KMT2B: variants seen among roughly 807,000 people sequenced by gnomAD.
The protein encoded by KMT2B is histone-lysine N-methyltransferase 2B.
KMT2B carries 22 observed loss-of-function variants against 255.3 expected under a neutral mutation model. That is an observed-to-expected ratio of 0.09 (90% CI 0.06 to 0.12). KMT2B has a LOEUF of 0.12. Ranked by LOEUF, KMT2B falls within the 10% of genes least tolerant of loss-of-function variation. The probability of loss-of-function intolerance (pLI) is 1.00; values close to 1 mark genes in which losing one functional copy is unlikely to be tolerated. For synonymous variants in KMT2B, 1,730 were observed against 1,498.1 expected (o/e 1.15, Z -3.57); for missense variants, 3,149 against 3,737.0 (o/e 0.84, Z 4.10).
Position 35,723,963 on chromosome 19 carries a change from C to T in KMT2B, c.3290C>T (p.Pro1097Leu), listed in dbSNP as rs1969321809. Residue 1097 changes from proline (P) to leucine (L), a missense_variant, in exon 8 of 37, where the codon CCC becomes CTC. Pro to Leu is a moderately conservative substitution (Grantham distance 98). Transcript: ENST00000420124. The surrounding 1 kb of genome is among the most constrained non-coding windows in gnomAD (Gnocchi z 7.5). ...DIFEDSDDSE[P>L]GGPPAPRRRT... ...TTCGAGGATTCGGATGACTCGGAGC[C>T]CGGGGGCCCCCCTGCTCCTCGGCGT... The T allele has an allele frequency of 1.9e-6, 3 of 1,609,864 alleles. No individual in the cohort carries two copies. Among genetic ancestry groups the T allele is most frequent in the East Asian group, 2.2e-5 (1 of 44,790 alleles).
rs757405245 is a variant in KMT2B at position 35,721,211 on chromosome 19, C to T, written c.1864C>T (p.Pro622Ser). ...TSLTRELPPP[P>S]PAPPPPPAPS... ...ACTGACCCGGGAGCTGCCCCCTCCT[C>T]CCCCAGCCCCTCCACCTCCCCCGGC... Residue 622 changes from proline (P) to serine (S), a missense_variant, in exon 3 of 37, where the codon CCC becomes TCC. By Grantham distance (74) the Pro-to-Ser change is moderately conservative. This residue lies in a region of KMT2B where 1,188 missense variants were observed against 1,106.4 expected (regional missense o/e 1.07). Transcript: ENST00000420124. The T allele has an allele frequency of 6.9e-5, 60 of 874,316 alleles. No homozygotes were observed. In the South Asian group the frequency reaches 7.7e-4, roughly 11 times the overall value. The allele number at this position is 874,316 out of a possible 1,614,324, so 54.2% of individuals were successfully genotyped here.
At chr19:35,729,821 C>T (rs1969620146) in intron 22 of KMT2B, 146 bp from the exon 23 acceptor site, 1 of 712,306 alleles carries the variant, frequency 1.4e-6, no homozygotes, top group East Asian at 2.7e-5. Flanking sequence ...TGCACCTGGG[C>T]CTGGATGCGG....
Position 35,723,249 on chromosome 19 carries a change from C to T in KMT2B, c.2977C>T (p.Pro993Ser). The change falls in exon 6 of 37, where the codon CCT becomes TCT. Residue 993 changes from proline (P) to serine (S), a missense_variant. Pro to Ser is a moderately conservative substitution (Grantham distance 74, BLOSUM62 -1). Transcript: ENST00000420124. This position sits in a 1 kb window ranked among gnomAD's most constrained non-coding sequence, Gnocchi z 7.5. Reference protein sequence around the residue: ...NCLDKPKFGGPNTKKQCCVYR... With the variant: ...NCLDKPKFGGSNTKKQCCVYR... The stretch of plus-strand genomic sequence containing the variant: ...CCTAGACAAGCCCAAGTTTGGGGGC[C>T]CTAACACCAAGAAGCAGTGCTGTGT... 1 of 1,613,048 alleles carries T rather than the reference C, an allele frequency of 6.2e-7. No homozygotes were observed. The highest frequency in any genetic ancestry group is 8.5e-7 in the Non-Finnish European group (1 of 1,179,784).
chr19:35,732,009 C>T lies in KMT2B; in HGVS notation c.5539C>T (p.Pro1847Ser), dbSNP rs1262995556. ...PIQNLDPPLR[P>S]DSGSAPPPAP... ...TCAGAACCTGGACCCTCCACTGCGG[C>T]CAGATTCAGGCAGCGCCCCTCCTCC... is the stretch of plus-strand genomic sequence containing the variant. Residue 1847 changes from proline to serine, a missense_variant, in exon 27 of 37, where the codon CCA (proline) becomes TCA (serine). Coordinates refer to ENST00000420124, the MANE Select transcript of KMT2B (RefSeq NM_014727.3). The T allele has an allele frequency of 1.2e-6, 2 of 1,613,788 alleles. No individual in the cohort carries two copies. The highest frequency in any genetic ancestry group is 8.5e-7 in the Non-Finnish European group (1 of 1,179,802).
rs757982914 is a variant in KMT2B at position 35,722,709 on chromosome 19, G to A, written c.2713G>A (p.Ala905Thr). 17 of 1,598,226 alleles carry A rather than the reference G, an allele frequency of 1.1e-5. No individual in the cohort carries two copies. Among genetic ancestry groups the A allele is most frequent in the South Asian group, 2.3e-5 (2 of 88,640 alleles). Reference protein sequence around the residue: ...ALPLRDRQDLATEDTSSASET... With the variant: ...ALPLRDRQDLTTEDTSSASET... ...CCCTCTCCGGGATCGGCAGGACCTCGCCACAGAGGGTAGGTGGGGAGACTG... is the reference window on the plus strand; with the variant it reads ...CCCTCTCCGGGATCGGCAGGACCTCACCACAGAGGGTAGGTGGGGAGACTG... Residue 905 changes from alanine to threonine, a missense_variant, in exon 5 of 37, where the codon GCC (alanine) becomes ACC (threonine). This residue lies in a region of KMT2B where 132 missense variants were observed against 174.7 expected (regional missense o/e 0.76). Coordinates refer to ENST00000420124, the MANE Select transcript of KMT2B (RefSeq NM_014727.3).
In KMT2B at chr19:35,728,785, C is replaced by T; in HGVS notation, c.4583C>T (p.Pro1528Leu). 6.2e-7 allele frequency: 1 copy of T among 1,613,842 alleles called. No homozygotes were observed. Among genetic ancestry groups the T allele is most frequent in the Non-Finnish European group, 8.5e-7 (1 of 1,179,794 alleles). ...CTGCCTGTCCACAGCGGAGTCCTTC[C>T]CAATGCGGTGTTGCCCCCATCCCTG... ...RSTRLPNGVL[P>L]NAVLPPSLDH... Residue 1528 changes from proline (P) to leucine (L), a missense_variant, in exon 20 of 37, where the codon CCC becomes CTC. Physicochemically the swap from Pro to Leu is moderately conservative, Grantham distance 98 (BLOSUM62 -3). Around this residue, in one of 18 missense-constraint regions of KMT2B, gnomAD observed 377 missense variants for 471.0 expected, o/e 0.80. Coordinates refer to ENST00000420124, the MANE Select transcript of KMT2B (RefSeq NM_014727.3).
rs761489884 is a variant in KMT2B at position 35,730,089 on chromosome 19, C to G, written c.5040C>G (p.Val1680=). 1 of 1,613,642 alleles carries G rather than the reference C, an allele frequency of 6.2e-7. No individual in the cohort carries two copies. The highest frequency in any genetic ancestry group is 1.7e-5 in the Admixed American group (1 of 59,946). The change falls in exon 23 of 37, where the codon GTC becomes GTG. Residue 1680 remains valine, a synonymous_variant. Coordinates refer to ENST00000420124, the MANE Select transcript of KMT2B (RefSeq NM_014727.3). ...GCATCTTCCAGGATGACAAGAAAGT[C>G]TTCTGCCAGAAACACACTGATCTCC... The part of the protein sequence containing the change: ...SYCIFQDDKK[V]FCQKHTDLLD...
Position 35,732,627 on chromosome 19 carries a change from G to C in KMT2B, c.6078G>C (p.Glu2026Asp). 6.2e-7 allele frequency: 1 copy of C among 1,611,784 alleles called. No homozygotes were observed. Among genetic ancestry groups the C allele is most frequent in the Non-Finnish European group, 8.5e-7 (1 of 1,179,124 alleles). Residue 2026 changes from glutamate to aspartate, a missense_variant, in exon 28 of 37, where the codon GAG becomes GAC. Physicochemically the swap from Glu to Asp is conservative, Grantham distance 45. Transcript: ENST00000420124. ...GGGGCCCGGGGGACAGCTCCGAGGA[G>C]GAGTCCAGCCCCACCTCCCGCTACA... is the stretch of plus-strand genomic sequence containing the variant. ...SHGGPGDSSE[E>D]ESSPTSRYIH...
At position 35,738,024 on chromosome 19, in the gene KMT2B, C is replaced by G. The variant is rs1359241525; in HGVS notation, c.7743-38C>G. ...AGGGGGTACTGTCTGGTTTCTGTCC[C>G]CCTCCCCCCTGAGTTCCCTGTTCAT... On this transcript the variant is annotated intron_variant, in intron 35 of 36. Transcript: ENST00000420124. The surrounding 1 kb of genome is among the most constrained non-coding windows in gnomAD (Gnocchi z 8.7). The G allele has an allele frequency of 5.0e-6, 8 of 1,613,514 alleles. No homozygotes were observed. Among genetic ancestry groups the G allele is most frequent in the Non-Finnish European group, 4.2e-6 (5 of 1,179,678 alleles).
Position 35,737,449 on chromosome 19 carries a change from A to T in KMT2B, c.7550+186A>T. The stretch of plus-strand genomic sequence containing the variant: ...GTAATCCCGCCACTTTGGGAGGCCG[A>T]GGCAGGAGGATCGCATGAGCCCAGG... On this transcript the variant is annotated intron_variant, in intron 33 of 36. Coordinates refer to ENST00000420124, the MANE Select transcript of KMT2B (RefSeq NM_014727.3). This position sits in a 1 kb window ranked among gnomAD's most constrained non-coding sequence, Gnocchi z 5.3. The T allele has an allele frequency of 2.5e-6, 2 of 789,908 alleles. No homozygotes were observed. The highest frequency in any genetic ancestry group is 3.9e-6 in the Non-Finnish European group (2 of 513,244). The allele number at this position is 789,908 out of a possible 1,614,324, so 48.9% of individuals were successfully genotyped here.
rs781759373 is a variant in KMT2B, at chr19:35,722,481, C to T, written c.2571+9C>T. On this transcript the variant is annotated intron_variant, in intron 4 of 36. Coordinates refer to ENST00000420124, the MANE Select transcript of KMT2B (RefSeq NM_014727.3). Reference sequence around the variant, plus strand: ...AGAGAGAGCGGCCCTCAGTATGCATCGGGAGGAGGGCCCTGAAGAAGACTG... The same window carrying T: ...AGAGAGAGCGGCCCTCAGTATGCATTGGGAGGAGGGCCCTGAAGAAGACTG... 21 of 1,605,674 alleles carry T rather than the reference C, an allele frequency of 1.3e-5. No individual in the cohort carries two copies. The highest frequency in any genetic ancestry group is 7.7e-5 in the South Asian group (7 of 90,844).
At position 35,737,141 on chromosome 19, in the gene KMT2B, C is replaced by A. The variant is rs368560676; in HGVS notation, c.7428C>A (p.Ala2476=). Reference sequence around the variant, plus strand: ...ACCATGATGCTGTCATCTTCCTGGCCGAGCAGCTCCCCGGAGCCCAGCGTT... The same window carrying A: ...ACCATGATGCTGTCATCTTCCTGGCAGAGCAGCTCCCCGGAGCCCAGCGTT... ...GIHHDAVIFL[A]EQLPGAQRCQ... The change falls in exon 33 of 37, where the codon GCC becomes GCA. Residue 2476 remains alanine (A), a synonymous_variant. Transcript: ENST00000420124. The surrounding 1 kb of genome is among the most constrained non-coding windows in gnomAD (Gnocchi z 5.3). The A allele has an allele frequency of 5.7e-5, 92 of 1,610,866 alleles. No homozygotes were observed. In the African/African-American group the frequency reaches 1.1e-3, roughly 19 times the overall value.
rs769731128 is a variant in KMT2B at position 35,721,432 on chromosome 19, A to G, written c.2085A>G (p.Ala695=). Residue 695 remains alanine, a synonymous_variant, in exon 3 of 37, where the codon GCA becomes GCG. Transcript: ENST00000420124. The part of the protein sequence containing the change: ...DDSPAEPEPR[A]VGRTNHLSLP... ...CTCCAGCTGAGCCTGAGCCTCGGGC[A>G]GTGGGCCGCACCAACCACCTCAGCC... is the stretch of plus-strand genomic sequence containing the variant. The G allele has an allele frequency of 6.2e-7, 1 of 1,612,190 alleles. No homozygotes were observed. The highest frequency in any genetic ancestry group is 1.7e-5 in the Admixed American group (1 of 59,948).
Position 35,718,247 on chromosome 19 carries a change from C to T in KMT2B, c.229C>T (p.Leu77=). ...CCGTTTGCTGGGGCTCCGCCGGGGC[C>T]TGCGCCGGCTCCGCCGCCTGTGGGC... The part of the protein sequence containing the change: ...LLRLLGLRRG[L]RRLRRLWAGP... The change falls in exon 1 of 37, where the codon CTG becomes TTG. Residue 77 remains leucine (L), a synonymous_variant. Transcript: ENST00000420124. This position sits in a 1 kb window ranked among gnomAD's most constrained non-coding sequence, Gnocchi z 5.0. 8.4e-7 allele frequency: 1 copy of T among 1,197,472 alleles called. No individual in the cohort carries two copies. Among genetic ancestry groups the T allele is most frequent in the Middle Eastern group, 3.4e-4 (1 of 2,956 alleles). The allele number at this position is 1,197,472 out of a possible 1,614,324, so 74.2% of individuals were successfully genotyped here.
rs1283168024 is a variant in KMT2B, at chr19:35,727,557, C to T, written c.4237C>T (p.Leu1413=). 6.2e-7 allele frequency: 1 copy of T among 1,606,600 alleles called. No homozygotes were observed. ...CCTGAGCGGGGCCCTCCAGGGGGGCCTGCGCCAGGTGCTCCAGGGCCTGCT... is the reference window on the plus strand; with the variant it reads ...CCTGAGCGGGGCCCTCCAGGGGGGCTTGCGCCAGGTGCTCCAGGGCCTGCT... ...EALSGALQGG[L]RQVLQGLLSS... Residue 1413 remains leucine, a synonymous_variant, in exon 16 of 37, where the codon CTG becomes TTG. Coordinates refer to ENST00000420124, the MANE Select transcript of KMT2B (RefSeq NM_014727.3). This position sits in a 1 kb window ranked among gnomAD's most constrained non-coding sequence, Gnocchi z 4.2.
Position 35,722,918 on chromosome 19 carries a change from T to A in KMT2B, c.2723-77T>A, listed in dbSNP as rs1269434898. The A allele has an allele frequency of 3.4e-6, 5 of 1,457,186 alleles. No individual in the cohort carries two copies. In the East Asian group the frequency reaches 1.2e-4, roughly 36 times the overall value. The allele number at this position is 1,457,186 out of a possible 1,614,324, so 90.3% of individuals were successfully genotyped here. A position where few individuals can be genotyped will look rare whatever the true frequency, so the allele number is the denominator to read the frequency against. On this transcript the variant is annotated intron_variant, in intron 5 of 36. Coordinates refer to ENST00000420124, the MANE Select transcript of KMT2B (RefSeq NM_014727.3). ...CGCTGTGAGAAAGCGAGAGCCAGGT[T>A]GTGGGAAAGCAGGGAAGTGAGGTAG...
intron 30 of KMT2B, among the ~76,000 whole-genome samples, chr19:35,735,007 A>G (rs1969863357): frequency 6.6e-6 from 1 of 152,166 alleles, no homozygotes; most frequent in Non-Finnish European, 1.5e-5. Flanking sequence ...TGCGGGACAC[A>G]GACATGTTAG....
Position 35,733,149 on chromosome 19 carries a change from A to G in KMT2B, c.6600A>G (p.Val2200=). 6.3e-7 allele frequency: 1 copy of G among 1,582,114 alleles called. No homozygotes were observed. Among genetic ancestry groups the G allele is most frequent in the Non-Finnish European group, 8.6e-7 (1 of 1,163,706 alleles). ...TACTTGTCAACAAGCTGGGGCAAGTATTTGTGAAGATGGCTGGGGAGGGTG... is the reference window on the plus strand; with the variant it reads ...TACTTGTCAACAAGCTGGGGCAAGTGTTTGTGAAGATGGCTGGGGAGGGTG... ...KIILVNKLGQ[V]FVKMAGEGEP... Residue 2200 remains valine (V), a synonymous_variant, in exon 28 of 37, where the codon GTA becomes GTG. Coordinates refer to ENST00000420124, the MANE Select transcript of KMT2B (RefSeq NM_014727.3). This position sits in a 1 kb window ranked among gnomAD's most constrained non-coding sequence, Gnocchi z 4.3.
chr19:35,725,862 T>TCAC lies in KMT2B; in HGVS notation c.3885+52_3885+54dup. ...CCACTTGCTTTGTCTCTAATGAATA[T>TCAC]CACCACCACCCCCAAACTTGCTCTA... On this transcript the variant is annotated intron_variant, in intron 13 of 36. Transcript: ENST00000420124. This position sits in a 1 kb window ranked among gnomAD's most constrained non-coding sequence, Gnocchi z 4.1. The TCAC allele has an allele frequency of 1.4e-6, 2 of 1,480,728 alleles. No homozygotes were observed. Among genetic ancestry groups the TCAC allele is most frequent in the South Asian group, 2.4e-5 (2 of 82,904 alleles). The allele number at this position is 1,480,728 out of a possible 1,614,324, so 91.7% of individuals were successfully genotyped here. A position where few individuals can be genotyped will look rare whatever the true frequency, so the allele number is the denominator to read the frequency against.
Sources: allele counts gnomAD v4.1 joint callset (sites outside exome capture counted in the v4.1 genomes callset), GRCh38; gene constraint gnomAD v4.1.1; regional missense constraint gnomAD v4.1.1; non-coding constraint Gnocchi (gnomAD v3.1); transcripts MANE v1.5; gene names NCBI Gene and HGNC (gene_info 2026-07-23, HGNC 2026-07-21).